The following KDM4B variants were observed in gnomAD, a reference collection of about 807,000 sequenced individuals.
KDM4B encodes the protein lysine-specific demethylase 4B.
KDM4B carries 32 observed loss-of-function variants against 125.2 expected under a neutral mutation model. The ratio of observed to expected loss-of-function variants is 0.26; its 90% CI spans 0.19 to 0.34. The LOEUF (loss-of-function observed/expected upper bound fraction) is 0.34. Among genes scored for constraint, KDM4B ranks in the 10% least tolerant of loss-of-function variants. The pLI is 1.00. For missense variants in KDM4B, 1,190 were observed against 1,577.7 expected, an observed-to-expected ratio of 0.75 and a Z score of 4.16; for synonymous variants, 721 against 677.9, an observed-to-expected ratio of 1.06 and a Z score of -0.99.
At chr19:5,133,660 T>A (rs2039597640) in intron 13 of KDM4B, among the ~76,000 whole-genome samples, 1 of 151,960 alleles carries the variant, frequency 6.6e-6, no homozygotes, top group African/African-American at 2.4e-5. Context: ...GACAGACGTG[T>A]CCCCCTCCTG....
intron 1 of KDM4B, among the ~76,000 whole-genome samples, chr19:4,994,262 G>A (rs146291575): frequency 6.0e-4 from 89 of 148,200 alleles, no homozygotes; most frequent in African/African-American, 2.1e-3. Context: ...CAGCCTGTTC[G>A]TATCTTTGAA....
At chr19:5,025,197 A>G (rs770697832) in intron 2 of KDM4B, among the ~76,000 whole-genome samples, 1 of 151,770 alleles carries the variant, frequency 6.6e-6, no homozygotes, top group African/African-American at 2.4e-5. Flanking sequence ...GAAGAAACCT[A>G]GGGGTGGGGC....
At chr19:5,088,694 G>A (rs1306189849) in intron 9 of KDM4B, among the ~76,000 whole-genome samples, 1 of 148,774 alleles carries the variant, frequency 6.7e-6, no homozygotes, top group East Asian at 2.0e-4. Flanking sequence ...GCAGGTTGTG[G>A]TTATAGGGGC....
intron 6 of KDM4B, among the ~76,000 whole-genome samples, chr19:5,070,448 T>G (rs1002505212): frequency 6.6e-6 from 1 of 152,248 alleles, no homozygotes; most frequent in Non-Finnish European, 1.5e-5. Flanking sequence ...TGGTGATCTT[T>G]CAAATGTAAA....
intron 1 of KDM4B, among the ~76,000 whole-genome samples, chr19:4,972,845 C>T (rs750240931): frequency 6.6e-6 from 1 of 152,204 alleles, no homozygotes; most frequent in African/African-American, 2.4e-5. Flanking sequence ...TGGCAGCTTC[C>T]ACCTGAGAGG....
At chr19:5,134,155 A>C in intron 14 of KDM4B, 94 bp downstream of exon 14, 2 of 1,234,108 alleles carry the variant, frequency 1.6e-6, no homozygotes, top group Non-Finnish European at 2.3e-6. Context: ...TCCCTCTCTC[A>C]CGCAGGGCAG....
At chr19:4,983,140 T>C (rs1306766279) in intron 1 of KDM4B, among the ~76,000 whole-genome samples, 5 of 151,570 alleles carry the variant, frequency 3.3e-5, no homozygotes, top group Non-Finnish European at 5.9e-5. Flanking sequence ...CTTTTCTTTT[T>C]TTTTTTTTTT....
At chr19:5,038,939 G>A (rs73919705) in intron 3 of KDM4B, among the ~76,000 whole-genome samples, 56 of 152,382 alleles carry the variant, frequency 3.7e-4, no homozygotes, top group African/African-American at 1.3e-3. Flanking sequence ...GTTTCCCAGT[G>A]TTTCCTAGCT....
rs1329756859 is a variant in KDM4B at position 5,151,495 on chromosome 19, C to T, written c.3275C>T (p.Pro1092Leu). The T allele has an allele frequency of 6.9e-7, 1 of 1,445,584 alleles. No homozygotes were observed. The highest frequency in any genetic ancestry group is 2.8e-5 in the East Asian group (1 of 35,630). The allele number at this position is 1,445,584 out of a possible 1,614,324, so 89.5% of individuals were successfully genotyped here. Residue 1092 changes from proline to leucine, a missense_variant, in exon 23 of 23, where the codon CCC becomes CTC. Pro to Leu is a moderately conservative substitution (Grantham distance 98, BLOSUM62 -3). This residue lies in a region of KDM4B where 109 missense variants were observed against 93.8 expected (regional missense o/e 1.16). Transcript: ENST00000159111. ...AGCCTCCTGCAGGTGCAGGGCCGGC[C>T]CGGAGCCCCCTTCTAGGACAGCTGG... Reference protein sequence around the residue: ...VESLLQVQGRPGAPF With the variant: ...VESLLQVQGRLGAPF
At chr19:5,150,479 C>T (rs1411223661) in intron 22 of KDM4B, 29 bp downstream of exon 22, 1 of 1,511,574 alleles carries the variant, frequency 6.6e-7, no homozygotes, top group Admixed American at 2.0e-5. Flanking sequence ...CCTGGTGGCT[C>T]CGGGTGACTC....
intron 21 of KDM4B, among the ~76,000 whole-genome samples, chr19:5,148,007 G>A (rs1278142090): frequency 2.0e-5 from 3 of 152,164 alleles, no homozygotes; most frequent in Non-Finnish European, 4.4e-5. Flanking sequence ...AGGTGACAGC[G>A]AGGCCGAGTG....
In KDM4B at chr19:5,045,531, C is replaced by T. The variant is rs190277105; in HGVS notation, c.433-1945C>T. On this transcript the variant is annotated intron_variant, in intron 5 of 22. Transcript: ENST00000159111. Reference sequence around the variant, plus strand: ...TTCCCAAGTAGCTGGGATTACATTACAGGCGCCCACCACCACACCCAGCTA... The same window carrying T: ...TTCCCAAGTAGCTGGGATTACATTATAGGCGCCCACCACCACACCCAGCTA... Among the ~76,000 whole-genome samples the T allele has an allele frequency of 2.0e-5, 3 of 151,816 alleles. No individual in the cohort carries two copies. The East Asian group carries it at 5.8e-4, about 29-fold the overall frequency.
At chr19:5,018,592 A>G (rs1012520757) in intron 2 of KDM4B, among the ~76,000 whole-genome samples, 3 of 152,262 alleles carry the variant, frequency 2.0e-5, no homozygotes, top group East Asian at 1.9e-4. Flanking sequence ...CACATACATC[A>G]TATTCACTCT....
At chr19:5,009,542 C>G (rs1329593050) in intron 1 of KDM4B, among the ~76,000 whole-genome samples, 3 of 152,156 alleles carry the variant, frequency 2.0e-5, no homozygotes, top group Non-Finnish European at 4.4e-5. Flanking sequence ...GACAGAGGTC[C>G]AGGTGGTTGT....
chr19:5,118,980 G>C lies in KDM4B; in HGVS notation c.1116-673G>C, dbSNP rs1386769942. The C allele has an allele frequency of 8.1e-6, 5 of 618,798 alleles. No individual in the cohort carries two copies. In the East Asian group the frequency reaches 1.4e-4, roughly 17 times the overall value. The allele number at this position is 618,798 out of a possible 1,614,324, so 38.3% of individuals were successfully genotyped here. A position where few individuals can be genotyped will look rare whatever the true frequency, so the allele number is the denominator to read the frequency against. ...CACAGGTCAGAGCAGCGGAGTGTGA[G>C]CTGGGGCTCCCATGCACCTCATGGG... On this transcript the variant is annotated intron_variant, in intron 10 of 22. Coordinates refer to ENST00000159111, the MANE Select transcript of KDM4B (RefSeq NM_015015.3).
chr19:4,969,152 G>C lies in KDM4B; in HGVS notation c.-187G>C, dbSNP rs1464249011. 6.6e-6 allele frequency: 1 copy of C among 150,858 alleles called. No individual in the cohort carries two copies. The highest frequency in any genetic ancestry group is 1.9e-4 in the East Asian group (1 of 5,138). The allele number at this position is 150,858 out of a possible 1,614,324, so 9.3% of individuals were successfully genotyped here. ...AGCAACCGAGCGGGGCCCGGCCCGAGCGGGGCCTGGGGGTGCGACGCCGAG... is the reference window on the plus strand; with the variant it reads ...AGCAACCGAGCGGGGCCCGGCCCGACCGGGGCCTGGGGGTGCGACGCCGAG... On this transcript the variant is annotated 5_prime_UTR_variant, in exon 1 of 23. Transcript: ENST00000159111.
At chr19:4,990,814 A>AT (rs1319414195) in intron 1 of KDM4B, among the ~76,000 whole-genome samples, 6 of 151,850 alleles carry the variant, frequency 4.0e-5, no homozygotes, top group Non-Finnish European at 8.8e-5. Flanking sequence ...TCCCTTTATT[A>AT]TTTTTTTTAA....
At chr19:5,118,320 A>G (rs2039295875) in intron 10 of KDM4B, among the ~76,000 whole-genome samples, 1 of 152,246 alleles carries the variant, frequency 6.6e-6, no homozygotes, top group South Asian at 2.1e-4. Flanking sequence ...TGTCCCGGAA[A>G]CACTGGCGCT....
At chr19:5,091,920 G>A (rs2038716153) in intron 9 of KDM4B, among the ~76,000 whole-genome samples, 1 of 152,186 alleles carries the variant, frequency 6.6e-6, no homozygotes, top group Non-Finnish European at 1.5e-5. Context: ...GCCGCAAACT[G>A]CTGTGTGAAA....
Sources: allele counts gnomAD v4.1 joint callset (sites outside exome capture counted in the v4.1 genomes callset), GRCh38; gene constraint gnomAD v4.1.1; regional missense constraint gnomAD v4.1.1; transcripts MANE v1.5; gene names NCBI Gene and HGNC (gene_info 2026-07-23, HGNC 2026-07-21).